G3BP2: variants seen among roughly 807,000 people sequenced by gnomAD.
G3BP2 encodes the protein ras GTPase-activating protein-binding protein 2.
In G3BP2, 11 loss-of-function variants were observed where a neutral mutation model predicts 56.7. The observed-to-expected ratio is 0.19, with a 90% CI of 0.12 to 0.32. The LOEUF is 0.32. Among genes scored for constraint, G3BP2 ranks in the 10% least tolerant of loss-of-function variants. The pLI is 1.00. For missense variants in G3BP2, 340 were observed against 610.9 expected, an observed-to-expected ratio of 0.56 and a Z score of 4.67; for synonymous variants, 165 against 191.6, an observed-to-expected ratio of 0.86 and a Z score of 1.15.
At position 75,645,577 on chromosome 4, in the gene G3BP2, G is replaced by A. The variant is rs548324869; in HGVS notation, c.1302C>T (p.Pro434=). 78 of 1,613,826 alleles carry A rather than the reference G, an allele frequency of 4.8e-5. 1 individual carries two copies. In the East Asian group the frequency reaches 6.0e-4, roughly 12 times the overall value. ...CACCCACAATTCCACGTGGACCACC[G>A]GGACCTCGATCATTGCGCCTAATAT... ...RRDIRRNDRG[P]GGPRGIVGGG... is the part of the protein sequence containing the mutation. The change falls in exon 12 of 12, where the codon CCC becomes CCT. Residue 434 remains proline (P), a synonymous_variant. Coordinates refer to ENST00000359707, the MANE Select transcript of G3BP2 (RefSeq NM_203505.3).
At chr4:75,704,168 G>A (rs6531871) in intron 3 of G3BP2, among the ~76,000 whole-genome samples, 131,621 of 150,932 alleles carry the variant, frequency 0.87, 57,401 homozygotes, top group East Asian at 0.91. Flanking sequence ...ACAGGCACGC[G>A]CCACCATGCC....
At chr4:75,682,132 G>A (rs1734099533) in intron 3 of G3BP2, among the ~76,000 whole-genome samples, 1 of 151,940 alleles carries the variant, frequency 6.6e-6, no homozygotes, top group African/African-American at 2.4e-5. Flanking sequence ...CTTATAAACT[G>A]TTGGCCAGGT....
intron 5 of G3BP2, 136 bp downstream of exon 5, chr4:75,656,788 C>A: frequency 1.6e-6 from 1 of 629,420 alleles, no homozygotes; most frequent in Non-Finnish European, 2.8e-6. Context: ...ACAACAACAA[C>A]AAAACCATGA....
intron 3 of G3BP2, among the ~76,000 whole-genome samples, chr4:75,684,463 A>G (rs543413622): frequency 1.3e-5 from 2 of 152,082 alleles, no homozygotes; most frequent in Admixed American, 6.5e-5. Flanking sequence ...AAAATAAAAA[A>G]TATAACAAGT....
intron 2 of G3BP2, among the ~76,000 whole-genome samples, chr4:75,660,220 C>A (rs1732437344): frequency 6.6e-6 from 1 of 152,014 alleles, no homozygotes; most frequent in Non-Finnish European, 1.5e-5. Flanking sequence ...CATGAAAAGA[C>A]CAAATTTCAG....
intron 3 of G3BP2, among the ~76,000 whole-genome samples, chr4:75,719,240 T>C (rs939796758): frequency 1.4e-5 from 2 of 146,796 alleles, no homozygotes; most frequent in Non-Finnish European, 3.0e-5. Flanking sequence ...CCCAGCTACT[T>C]GGGAGGCTGA....
Position 75,643,547 on chromosome 4 carries a change from C to G in G3BP2, c.*1883G>C, listed in dbSNP as rs1314727977. ...AAAATCTGTGTCCCCAAAATATATG[C>G]AATAGTGCAAGACTTTCCCTCAAAC... On this transcript the variant is annotated 3_prime_UTR_variant, in exon 12 of 12. Coordinates refer to ENST00000359707, the MANE Select transcript of G3BP2 (RefSeq NM_203505.3). The G allele has an allele frequency of 1.3e-5, 2 of 151,092 alleles. No individual in the cohort carries two copies. Among genetic ancestry groups the G allele is most frequent in the Non-Finnish European group, 3.0e-5 (2 of 67,728 alleles). The allele number at this position is 151,092 out of a possible 1,614,324, so 9.4% of individuals were successfully genotyped here.
rs146394494 is a variant in G3BP2, at chr4:75,709,186, C to T, written c.-25+11691G>A. The stretch of plus-strand genomic sequence containing the variant: ...CCTGTAATCCCAGCACTTTGGGAGG[C>T]TGAGGCAGGGGGATCACAAGGTCAG... On this transcript the variant is annotated intron_variant, in intron 3 of 3. Transcript: ENST00000499709. Among the ~76,000 whole-genome samples, 545 of 152,122 alleles carry T rather than the reference C, an allele frequency of 3.6e-3. 4 individuals are homozygous for T. Among genetic ancestry groups the T allele is most frequent in the African/African-American group, 0.013 (522 of 41,502 alleles).
At chr4:75,676,681 G>A (rs1733889593), upstream of G3BP2, among the ~76,000 whole-genome samples, 2 of 152,162 alleles carry the variant, frequency 1.3e-5, no homozygotes, top group South Asian at 4.1e-4. Flanking sequence ...TGCTGCTATA[G>A]TAGTCCAGGC....
intron 7 of G3BP2, among the ~76,000 whole-genome samples, chr4:75,654,322 G>A (rs955449789): frequency 2.6e-5 from 4 of 152,140 alleles, no homozygotes; most frequent in Admixed American, 1.3e-4. Flanking sequence ...AAGTTCCTAC[G>A]TACTCTAAGT....
At chr4:75,720,840 T>TAAATA (rs1437096552) in intron 3 of G3BP2, among the ~76,000 whole-genome samples, 1 of 135,658 alleles carries the variant, frequency 7.4e-6, no homozygotes, top group East Asian at 2.1e-4. Context: ...AATAAATAAA[T>TAAATA]AAAAATATTT....
intron 3 of G3BP2, among the ~76,000 whole-genome samples, chr4:75,697,078 A>G (rs573245817): frequency 6.6e-6 from 1 of 152,146 alleles, no homozygotes; most frequent in African/African-American, 2.4e-5. Flanking sequence ...AGATGAGACC[A>G]TCCTGGCCAA....
chr4:75,689,996 G>T (rs1718784108), intron 3 of G3BP2, among the ~76,000 whole-genome samples: 1 of 152,192 alleles, frequency 6.6e-6, no homozygotes, highest in African/African-American at 2.4e-5. Flanking sequence ...TTACATGGGA[G>T]AGTTCAGTTT....
At position 75,655,200 on chromosome 4, in the gene G3BP2, G is replaced by T. The variant is rs371262968; in HGVS notation, c.592C>A (p.Pro198Thr). 1 of 1,613,460 alleles carries T rather than the reference G, an allele frequency of 6.2e-7. No individual in the cohort carries two copies. Among genetic ancestry groups the T allele is most frequent in the Non-Finnish European group, 8.5e-7 (1 of 1,179,558 alleles). ...PLEESSHEPE[P>T]EPESETKTEE... ...GTCTTTGTTTCAGATTCTGGCTCAG[G>T]TTCAGGTTCATGAGAGGATTCTTCC... The change falls in exon 7 of 12, where the codon CCT (proline) becomes ACT (threonine). Residue 198 changes from proline to threonine, a missense_variant. Transcript: ENST00000359707.
At chr4:75,674,711 TATA>T (rs1237958375), upstream of G3BP2, among the ~76,000 whole-genome samples, 9 of 49,072 alleles carry the variant, frequency 1.8e-4, no homozygotes, top group African/African-American at 6.0e-4. Flanking sequence ...TATATATATA[TATA>T]TATATTTTTT....
chr4:75,686,728 G>GT (rs553009331), intron 3 of G3BP2, among the ~76,000 whole-genome samples: 97 of 152,200 alleles, frequency 6.4e-4, no homozygotes, highest in African/African-American at 2.1e-3. Context: ...TTTTCTTCAA[G>GT]TTTTCCCACT....
chr4:75,672,042 C>T (rs1289301572), intron 1 of G3BP2, among the ~76,000 whole-genome samples: 1 of 152,168 alleles, frequency 6.6e-6, no homozygotes, highest in African/African-American at 2.4e-5. Context: ...GTTTGAAAGA[C>T]CAGAACAAGG....
intron 1 of G3BP2, among the ~76,000 whole-genome samples, chr4:75,664,413 G>A (rs1049661021): frequency 4.7e-5 from 7 of 148,082 alleles, no homozygotes; most frequent in Non-Finnish European, 9.0e-5. Context: ...CCCTTCTCTA[G>A]TAAAATACAA....
intron 3 of G3BP2, among the ~76,000 whole-genome samples, chr4:75,711,699 G>T (rs1719765348): frequency 6.6e-6 from 1 of 151,726 alleles, no homozygotes; most frequent in South Asian, 2.1e-4. Flanking sequence ...TGCAACAACA[G>T]CAAAACTCCA....
Sources: allele counts gnomAD v4.1 joint callset (sites outside exome capture counted in the v4.1 genomes callset), GRCh38; gene constraint gnomAD v4.1.1; transcripts MANE v1.5; gene names NCBI Gene and HGNC (gene_info 2026-07-23, HGNC 2026-07-21).